BRCA1: variants seen among roughly 807,000 people sequenced by gnomAD.
BRCA1 encodes the protein BRCA1 DNA repair associated, also known as breast cancer type 1 susceptibility protein.
Under a neutral mutation model 173.7 loss-of-function variants are expected in BRCA1, and 140 were observed. That is an observed-to-expected ratio of 0.81 (90% CI 0.70 to 0.93). The LOEUF (loss-of-function observed/expected upper bound fraction) is 0.93, where lower values mean the gene tolerates loss of function less well. BRCA1 is among the 40% of genes least tolerant of loss of function. The pLI is 0.00. For synonymous variants in BRCA1, 662 were observed against 756.0 expected, an observed-to-expected ratio of 0.88 and a Z score of 2.04; for missense variants, 1,983 against 2,172.5, an observed-to-expected ratio of 0.91 and a Z score of 1.73.
rs113117695 is a variant in BRCA1, at chr17:43,123,638, G to A, written c.80+379C>T. Among the ~76,000 whole-genome samples, 875 of 152,238 alleles carry A rather than the reference G, an allele frequency of 5.7e-3. 12 individuals are homozygous for A. The highest frequency in any genetic ancestry group is 0.016 in the African/African-American group (653 of 41,522). Reference sequence around the variant, plus strand: ...GCTGGGATTACAGGCATAAGCCACCGCCCTCGGCCTCATCCATGATTTTAT... The same window carrying A: ...GCTGGGATTACAGGCATAAGCCACCACCCTCGGCCTCATCCATGATTTTAT... On this transcript the variant is annotated intron_variant, in intron 2 of 22. Coordinates refer to ENST00000357654, the MANE Select transcript of BRCA1 (RefSeq NM_007294.4).
Position 43,094,274 on chromosome 17 carries a change from T to C in BRCA1, c.1257A>G (p.Val419=), listed in dbSNP as rs751690840. 6.2e-7 allele frequency: 1 copy of C among 1,614,176 alleles called. No homozygotes were observed. The highest frequency in any genetic ancestry group is 1.3e-5 in the African/African-American group (1 of 75,068). Residue 419 remains valine (V), a synonymous_variant, in exon 10 of 23, where the codon GTA becomes GTG. Transcript: ENST00000357654. The part of the protein sequence containing the change: ...VADVLDVLNE[V]DEYSGSSEKI... ...TCTCTGAAGAACCAGAATATTCATC[T>C]ACCTCATTTAGAACGTCCAATACAT...
At position 43,085,427 on chromosome 17, in the gene BRCA1, A is replaced by G. The variant is rs8176176; in HGVS notation, c.4186-2852T>C. On this transcript the variant is annotated intron_variant, in intron 11 of 22. Transcript: ENST00000357654. Reference sequence around the variant, plus strand: ...TGCTGATTTATACTTTTTGAACACTATATAATTGTTAGTCATTACTGCCAT... The same window carrying G: ...TGCTGATTTATACTTTTTGAACACTGTATAATTGTTAGTCATTACTGCCAT... 9.7e-3 allele frequency among the ~76,000 whole-genome samples: 1,479 copies of G among 152,222 alleles called. 14 individuals carry two copies. The highest frequency in any genetic ancestry group is 0.016 in the Non-Finnish European group (1,096 of 68,002).
At chr17:43,048,066 A>G (rs1271305560) in intron 21 of BRCA1, among the ~76,000 whole-genome samples, 1 of 149,568 alleles carries the variant, frequency 6.7e-6, no homozygotes, top group Non-Finnish European at 1.5e-5. Flanking sequence ...CTAATTTTTA[A>G]TAATTTTTTT....
chr17:43,094,605 T>G lies in BRCA1; in HGVS notation c.926A>C (p.Lys309Thr), dbSNP rs80356877. The G allele has an allele frequency of 6.2e-7, 1 of 1,614,194 alleles. No individual in the cohort carries two copies. Among genetic ancestry groups the G allele is most frequent in the African/African-American group, 1.3e-5 (1 of 75,060 alleles). Residue 309 changes from lysine to threonine, a missense_variant, in exon 10 of 23, where the codon AAA (lysine) becomes ACA (threonine). Coordinates refer to ENST00000357654, the MANE Select transcript of BRCA1 (RefSeq NM_007294.4). The stretch of plus-strand genomic sequence containing the variant: ...TTGGCTCCTTGCTAAGCCAGGCTGT[T>G]TGCTTTTATTACAGAATTCAGCCTT... Reference protein sequence around the residue: ...VEKAEFCNKSKQPGLARSQHN... With the variant: ...VEKAEFCNKSTQPGLARSQHN...
Position 43,091,926 on chromosome 17 carries a change from TA to T in BRCA1, c.3604del (p.Tyr1202ThrfsTer8), listed in dbSNP as rs886040150. 6.2e-7 allele frequency: 1 copy of T among 1,614,150 alleles called. No homozygotes were observed. The highest frequency in any genetic ancestry group is 8.5e-7 in the Non-Finnish European group (1 of 1,180,008). On this transcript the variant is annotated frameshift_variant, in exon 10 of 23. Coordinates refer to ENST00000357654, the MANE Select transcript of BRCA1 (RefSeq NM_007294.4). LOFTEE classifies it high-confidence loss of function. ...CTCTAATTTCTTGGCCCCTCTTCGG[TA>T]ACCCTGAGCCAAATGTGTATGGGTG... Reference protein sequence around the residue: ...PFTHTHLAQGYRRGAKKLESS... With the variant: ...PFTHTHLAQGXRRGAKKLESS...
intron 18 of BRCA1, among the ~76,000 whole-genome samples, chr17:43,060,983 G>T (rs980942102): frequency 6.6e-6 from 1 of 152,036 alleles, no homozygotes; most frequent in Non-Finnish European, 1.5e-5. Flanking sequence ...AACTAGTCGG[G>T]TGTGGTAGCA....
intron 1 of BRCA1, among the ~76,000 whole-genome samples, chr17:43,154,680 TTAAG>T (rs34383396): frequency 0.3 from 45,413 of 151,790 alleles, 7,292 homozygotes; most frequent in South Asian, 0.49. Context: ...CAAGTGTTTA[TTAAG>T]TATCTACTAC....
chr17:43,114,375 T>C (rs998331234), intron 3 of BRCA1, among the ~76,000 whole-genome samples: 7 of 148,734 alleles, frequency 4.7e-5, no homozygotes, highest in African/African-American at 1.0e-4. Flanking sequence ...TAGCTCTCTG[T>C]AGTAAATACT....
At position 43,044,594 on chromosome 17, in the gene BRCA1, A is replaced by G; in HGVS notation, c.*1084T>C. On this transcript the variant is annotated 3_prime_UTR_variant, in exon 23 of 23. Coordinates refer to ENST00000357654, the MANE Select transcript of BRCA1 (RefSeq NM_007294.4). ...TGGGATCTGTCATTTTATAGATATGAAATATTCATGCCAGAGGTCTTATAT... is the reference window on the plus strand; with the variant it reads ...TGGGATCTGTCATTTTATAGATATGGAATATTCATGCCAGAGGTCTTATAT... 1 of 504,508 alleles carries G rather than the reference A, an allele frequency of 2.0e-6. No homozygotes were observed. Among genetic ancestry groups the G allele is most frequent in the Non-Finnish European group, 3.9e-6 (1 of 257,470 alleles). The allele number at this position is 504,508 out of a possible 1,614,324, so 31.3% of individuals were successfully genotyped here.
intron 19 of BRCA1, among the ~76,000 whole-genome samples, chr17:43,051,782 G>A (rs1045444230): frequency 4.6e-5 from 7 of 151,824 alleles, no homozygotes; most frequent in Admixed American, 6.6e-5. Context: ...GATTACAGGC[G>A]CGCACCACCA....
chr17:43,104,768 T>TAA, intron 5 of BRCA1, 100 bp downstream of exon 5: 1 of 1,069,462 alleles, frequency 9.4e-7, no homozygotes, highest in Admixed American at 1.7e-5. Context: ...TAACCTAGAC[T>TAA]AAAAGGTCTT....
chr17:43,160,138 C>T, intron 1 of BRCA1: 1 of 151,616 alleles, frequency 6.6e-6, no homozygotes, highest in East Asian at 1.9e-4. Flanking sequence ...GCCTCCCAGG[C>T]TCACACCATT....
At chr17:43,091,228 T>A in intron 10 of BRCA1, 196 bp from the exon 11 acceptor site, 1 of 858,954 alleles carries the variant, frequency 1.2e-6, no homozygotes, top group Non-Finnish European at 1.9e-6. Context: ...ATTAGGATGT[T>A]AAAGCTCATT....
At chr17:43,129,446 T>G (rs1468502767), upstream of BRCA1, among the ~76,000 whole-genome samples, 1 of 152,196 alleles carries the variant, frequency 6.6e-6, no homozygotes, top group Non-Finnish European at 1.5e-5. Context: ...TTAATTTCCC[T>G]AACGAGTAGG....
intron 6 of BRCA1, among the ~76,000 whole-genome samples, chr17:43,100,601 A>G (rs2054366732): frequency 1.1e-5 from 1 of 91,732 alleles, no homozygotes; most frequent in African/African-American, 4.3e-5. Context: ...TATATTATAT[A>G]TATATAACAT....
At chr17:43,079,260 C>G (rs1446132166) in intron 12 of BRCA1, 15 of 1,157,052 alleles carry the variant, frequency 1.3e-5, no homozygotes, top group Non-Finnish European at 1.9e-5. Context: ...AAAGTCATTC[C>G]TCCTTTTGGC....
intron 18 of BRCA1, among the ~76,000 whole-genome samples, chr17:43,058,019 C>CAAAAAAA (rs68106056): frequency 2.9e-5 from 1 of 34,494 alleles, no homozygotes; most frequent in African/African-American, 1.0e-4. Flanking sequence ...AACTCTGTCT[C>CAAAAAAA]AAAAAAAAAA....
chr17:43,140,140 C>A, intron 1 of BRCA1: 1 of 319,930 alleles, frequency 3.1e-6, no homozygotes, highest in Non-Finnish European at 6.3e-6. Context: ...GTGACAAAGC[C>A]TCCAGAAAAA....
At chr17:43,051,816 T>C (rs1011753007) in intron 19 of BRCA1, among the ~76,000 whole-genome samples, 3 of 152,046 alleles carry the variant, frequency 2.0e-5, no homozygotes, top group Non-Finnish European at 2.9e-5. Flanking sequence ...TTTGTATTTT[T>C]AGTAGAGACA....
Sources: allele counts gnomAD v4.1 joint callset (sites outside exome capture counted in the v4.1 genomes callset), GRCh38; gene constraint gnomAD v4.1.1; transcripts MANE v1.5; gene names NCBI Gene and HGNC (gene_info 2026-07-23, HGNC 2026-07-21).